Variants in RGS6 observed in about 807,000 individuals in gnomAD.
The protein encoded by RGS6 is regulator of G-protein signaling 6.
RGS6 carries 30 observed loss-of-function variants against 78.5 expected under a neutral mutation model. The observed-to-expected ratio is 0.38, with a 90% confidence interval of 0.29 to 0.52. The LOEUF (loss-of-function observed/expected upper bound fraction) is 0.52. Ranked by LOEUF, RGS6 falls within the 20% of genes least tolerant of loss-of-function variation. The probability of loss-of-function intolerance (pLI) is 0.85; values close to 1 mark genes in which losing one functional copy is unlikely to be tolerated. For synonymous variants in RGS6, 206 were observed against 206.0 expected (o/e 1.00, Z 0.00); for missense variants, 495 against 609.7 (o/e 0.81, Z 1.98).
intron 2 of RGS6, among the ~76,000 whole-genome samples, chr14:72,052,081 A>G (rs1468044177): frequency 1.3e-5 from 2 of 152,170 alleles, no homozygotes; most frequent in Non-Finnish European, 2.9e-5. Flanking sequence ...ACCGAGAAAG[A>G]TAGGCTCTGG....
intron 3 of RGS6, among the ~76,000 whole-genome samples, chr14:72,403,554 G>T (rs2153012941): frequency 6.6e-6 from 1 of 152,270 alleles, no homozygotes; most frequent in African/African-American, 2.4e-5. Flanking sequence ...GGTGACTACA[G>T]TTAAAAATTT....
intron 2 of RGS6, among the ~76,000 whole-genome samples, chr14:71,992,271 G>A (rs1220034467): frequency 2.0e-5 from 3 of 152,182 alleles, no homozygotes; most frequent in South Asian, 2.1e-4. Context: ...GACCTCAAAC[G>A]ATCCTCCCAC....
intron 2 of RGS6, among the ~76,000 whole-genome samples, chr14:72,341,253 G>A (rs1005521461): frequency 5.3e-5 from 8 of 152,146 alleles, no homozygotes; most frequent in Non-Finnish European, 8.8e-5. Context: ...AGGAGGAAAA[G>A]AGCACAAAGA....
chr14:72,036,572 A>G (rs974510286), intron 2 of RGS6, among the ~76,000 whole-genome samples: 1 of 152,130 alleles, frequency 6.6e-6, no homozygotes, highest in Non-Finnish European at 1.5e-5. Flanking sequence ...TCAAATGGCC[A>G]ATGATGCTGA....
intron 12 of RGS6, among the ~76,000 whole-genome samples, chr14:72,492,639 A>G (rs575719148): frequency 7.2e-5 from 11 of 152,256 alleles, no homozygotes; most frequent in Non-Finnish European, 1.3e-4. Flanking sequence ...CCTTTAGTTC[A>G]AAGTACTCAG....
chr14:72,095,085 T>C (rs1219169330), intron 2 of RGS6, among the ~76,000 whole-genome samples: 1 of 152,088 alleles, frequency 6.6e-6, no homozygotes, highest in East Asian at 1.9e-4. Context: ...GTGTCAGCTA[T>C]CTAAATGAGT....
At chr14:72,448,602 G>A (rs1296764435) in intron 3 of RGS6, among the ~76,000 whole-genome samples, 2 of 152,030 alleles carry the variant, frequency 1.3e-5, no homozygotes, top group African/African-American at 4.8e-5. Flanking sequence ...TACAACATAG[G>A]ATTAGTATAG....
chr14:72,358,711 G>A (rs2080866699), intron 3 of RGS6, among the ~76,000 whole-genome samples: 1 of 152,226 alleles, frequency 6.6e-6, no homozygotes, highest in Non-Finnish European at 1.5e-5. Context: ...ATAGGTGGAA[G>A]GGACTTGCTT....
At chr14:72,371,300 T>C (rs565449272) in intron 3 of RGS6, among the ~76,000 whole-genome samples, 1 of 152,312 alleles carries the variant, frequency 6.6e-6, no homozygotes, top group African/African-American at 2.4e-5. Context: ...ACTCTAAATG[T>C]CGCATTAATT....
intron 2 of RGS6, among the ~76,000 whole-genome samples, chr14:72,291,988 C>T (rs1020302298): frequency 2.6e-5 from 4 of 152,152 alleles, no homozygotes; most frequent in African/African-American, 7.2e-5. Flanking sequence ...CATGCCAATA[C>T]GTGTTTAAAA....
At chr14:72,478,375 G>T in intron 12 of RGS6, 46 bp downstream of exon 12, 1 of 1,295,064 alleles carries the variant, frequency 7.7e-7, no homozygotes, top group African/African-American at 1.5e-5. Flanking sequence ...TAATTTAACA[G>T]GGAAGAAATG....
intron 2 of RGS6, among the ~76,000 whole-genome samples, chr14:72,122,714 G>C (rs2096079998): frequency 6.7e-6 from 1 of 150,072 alleles, no homozygotes; most frequent in Non-Finnish European, 1.5e-5. Context: ...TCAGAATGAG[G>C]CCAGCACTCT....
chr14:72,476,610 T>A, intron 10 of RGS6, 132 bp from the exon 11 acceptor site: 2 of 646,112 alleles, frequency 3.1e-6, no homozygotes, highest in South Asian at 4.0e-5. Context: ...ATTGAAGAAA[T>A]AAAAGCAGAG....
rs2095496158 is a variant in RGS6, at chr14:72,100,065, A to G, written c.84+135190A>G. ...AAAATTGGTTGAGACTGTTGTGTAC[A>G]GGGGAGAGTTGCTTGGGGCTTGAAC... On this transcript the variant is annotated intron_variant, in intron 2 of 17. Coordinates refer to ENST00000553525, the MANE Select transcript of RGS6 (RefSeq NM_001204424.2). 2.0e-5 allele frequency among the ~76,000 whole-genome samples: 3 copies of G among 152,158 alleles called. 1 individual carries two copies. The highest frequency in any genetic ancestry group is 2.0e-4 in the Admixed American group (3 of 15,280).
intron 2 of RGS6, among the ~76,000 whole-genome samples, chr14:72,186,593 G>A (rs1475751019): frequency 6.6e-6 from 1 of 152,128 alleles, no homozygotes; most frequent in African/African-American, 2.4e-5. Context: ...CATTCCAGAT[G>A]ACTGACGCCT....
At chr14:72,035,443 C>G (rs1198110934) in intron 2 of RGS6, among the ~76,000 whole-genome samples, 1 of 151,124 alleles carries the variant, frequency 6.6e-6, no homozygotes, top group Non-Finnish European at 1.5e-5. Context: ...TTGTTTTTTT[C>G]TATTATTTTT....
chr14:72,576,649 C>T, the RGS6 span, among the ~76,000 whole-genome samples: 1 of 152,158 alleles, frequency 6.6e-6, no homozygotes, highest in Non-Finnish European at 1.5e-5. Context: ...GTTCTTTGAG[C>T]CATGCTGTGG....
chr14:72,350,209 C>G (rs1214569695), intron 2 of RGS6, among the ~76,000 whole-genome samples: 1 of 152,174 alleles, frequency 6.6e-6, no homozygotes, highest in African/African-American at 2.4e-5. Flanking sequence ...AGAATTCTTT[C>G]TCACTCTCAG....
intron 3 of RGS6, among the ~76,000 whole-genome samples, chr14:72,421,923 C>G (rs1566805253): frequency 6.6e-6 from 1 of 152,180 alleles, no homozygotes; most frequent in African/African-American, 2.4e-5. Context: ...AATCATTCCA[C>G]AGATTAAATG....
Sources: gnomAD v4.1 joint callset for allele counts (sites outside exome capture counted in the v4.1 genomes callset) on GRCh38, gnomAD v4.1.1 for gene constraint, MANE v1.5 for transcripts, NCBI Gene and HGNC (gene_info 2026-07-23, HGNC 2026-07-21) for gene names.